Variants in LYRM4 observed in about 807,000 individuals in gnomAD.
LYRM4 encodes the protein LYR motif-containing protein 4.
A neutral mutation model predicts 11.7 loss-of-function variants in LYRM4; 9 were observed. The observed-to-expected ratio is 0.77, with a 90% confidence interval of 0.46 to 1.34. LYRM4 has a LOEUF of 1.34. Among genes scored for constraint, LYRM4 ranks in the 40% most tolerant of loss-of-function variants. The pLI is 0.00. For missense variants in LYRM4, 133 were observed against 112.5 expected (o/e 1.18, Z -0.82); for synonymous variants, 42 against 40.4 (o/e 1.04, Z -0.15).
intron 1 of LYRM4, among the ~76,000 whole-genome samples, chr6:5,242,766 CT>C (rs59883253): frequency 0.23 from 29,503 of 127,756 alleles, 3,177 homozygotes; most frequent in African/African-American, 0.41. Context: ...GATTTCTGCT[CT>C]TTTTTTTTTT....
chr6:5,256,978 A>G (rs1015474336), intron 1 of LYRM4, among the ~76,000 whole-genome samples: 10 of 152,160 alleles, frequency 6.6e-5, no homozygotes, highest in Admixed American at 5.9e-4. Context: ...ATGATTTATC[A>G]AATACAACAT....
chr6:5,062,070 C>T, the LYRM4 span, among the ~76,000 whole-genome samples: 39,374 of 145,206 alleles, frequency 0.27, 5,771 homozygotes, highest in Middle Eastern at 0.35. Flanking sequence ...TTCTTCTTCC[C>T]CTTCCTTCTT....
Position 5,256,490 on chromosome 6 carries a change from GGAAAAAAAAAAAAAAAAAAAAAA to G in LYRM4, c.86+4135_86+4157del, listed in dbSNP as rs1409500570. ...GGGCAACAAGGGCAAGATTTCAACT[GGAAAAAAAAAAAAAAAAAAAAAA>G]AAAAAAAAAAAAAAAAAGAATGTGG... On this transcript the variant is annotated intron_variant, in intron 1 of 2. Coordinates refer to ENST00000330636, the MANE Select transcript of LYRM4 (RefSeq NM_020408.6). 4.8e-4 allele frequency among the ~76,000 whole-genome samples: 18 copies of G among 37,522 alleles called. No individual in the cohort carries two copies. In the East Asian group the frequency reaches 0.016, roughly 33 times the overall value. 24.6% of individuals were successfully genotyped at this position (37,522 alleles called of 152,430 possible).
chr6:5,221,527 T>C (rs947713981), intron 1 of LYRM4, among the ~76,000 whole-genome samples: 4 of 151,902 alleles, frequency 2.6e-5, no homozygotes, highest in African/African-American at 9.7e-5. Flanking sequence ...ACCCTGTCTC[T>C]ACTAAAAATA....
chr6:5,051,493 G>A, the LYRM4 span, among the ~76,000 whole-genome samples: 1 of 152,160 alleles, frequency 6.6e-6, no homozygotes. Flanking sequence ...ACCTTGGAGA[G>A]GCCAGAAGGC....
At chr6:5,081,457 G>A in the LYRM4 span, among the ~76,000 whole-genome samples, 1 of 152,120 alleles carries the variant, frequency 6.6e-6, no homozygotes, top group South Asian at 2.1e-4. Context: ...TCCTTCCTTG[G>A]CTTCTGAGAA....
downstream of LYRM4, among the ~76,000 whole-genome samples, chr6:5,099,733 G>A (rs148383000): frequency 9.3e-4 from 141 of 152,178 alleles, no homozygotes; most frequent in African/African-American, 3.1e-3. The surrounding 1 kb of genome is among the most constrained non-coding windows in gnomAD (Gnocchi z 4.3). Context: ...GTGAGTCACC[G>A]CACCTGGCAC....
chr6:5,117,086 A>C (rs1286130096), intron 2 of LYRM4, among the ~76,000 whole-genome samples: 1 of 152,194 alleles, frequency 6.6e-6, no homozygotes, highest in East Asian at 1.9e-4. Context: ...GGAATCAAAC[A>C]AAACACTAGA....
chr6:5,081,929 G>C, the LYRM4 span, among the ~76,000 whole-genome samples: 2 of 152,142 alleles, frequency 1.3e-5, no homozygotes, highest in African/African-American at 4.8e-5. Flanking sequence ...ACTGAGCAAG[G>C]CTGGTGGGGC....
In LYRM4 at chr6:5,117,239, T is replaced by C. The variant is rs976657080; in HGVS notation, c.208-7748A>G. ...TAAGCGTTACTTACATGCACAGACT[T>C]GTGCTAGGCCTGTCTCTGTCAAGAT... On this transcript the variant is annotated intron_variant, in intron 2 of 2. Transcript: ENST00000330636. Among the ~76,000 whole-genome samples the C allele has an allele frequency of 2.0e-4, 30 of 152,172 alleles. 1 individual carries two copies. Among genetic ancestry groups the C allele is most frequent in the Non-Finnish European group, 1.5e-5 (1 of 68,022 alleles).
At chr6:5,124,352 G>A (rs1362538917) in intron 2 of LYRM4, among the ~76,000 whole-genome samples, 1 of 152,186 alleles carries the variant, frequency 6.6e-6, no homozygotes, top group African/African-American at 2.4e-5. Flanking sequence ...AAAGTGCTGG[G>A]ATTATAGGTG....
chr6:5,096,323 C>A, the LYRM4 span, among the ~76,000 whole-genome samples: 1 of 152,066 alleles, frequency 6.6e-6, no homozygotes. Context: ...GACCCTATAT[C>A]TACAAAAAAT....
intron 1 of LYRM4, among the ~76,000 whole-genome samples, chr6:5,227,359 G>C (rs923148737): frequency 5.3e-5 from 8 of 152,114 alleles, no homozygotes; most frequent in African/African-American, 1.9e-4. Context: ...GAAAGGAGAG[G>C]GAGCAAGAAG....
chr6:5,184,559 A>G (rs555032526), intron 2 of LYRM4, among the ~76,000 whole-genome samples: 1 of 152,342 alleles, frequency 6.6e-6, no homozygotes, highest in Admixed American at 6.5e-5. Flanking sequence ...CATTTTAATA[A>G]ATTAATTTAA....
At chr6:5,155,433 C>T (rs377729550) in intron 2 of LYRM4, among the ~76,000 whole-genome samples, 1 of 152,054 alleles carries the variant, frequency 6.6e-6, no homozygotes, top group Admixed American at 6.5e-5. Context: ...TTTCAGAGTC[C>T]GTCTTTACTA....
At chr6:5,126,286 A>G (rs1027445753) in intron 2 of LYRM4, among the ~76,000 whole-genome samples, 1 of 152,234 alleles carries the variant, frequency 6.6e-6, no homozygotes, top group African/African-American at 2.4e-5. Flanking sequence ...TGACCTGGCC[A>G]GAGCCAGGCC....
the LYRM4 span, among the ~76,000 whole-genome samples, chr6:5,081,134 CGGGGGG>C: frequency 2.1e-4 from 27 of 126,104 alleles, no homozygotes; most frequent in African/African-American, 9.0e-4. Flanking sequence ...CACACTTGGG[CGGGGGG>C]GGGGGGGGGG....
At chr6:5,095,115 C>G in the LYRM4 span, among the ~76,000 whole-genome samples, 1 of 152,234 alleles carries the variant, frequency 6.6e-6, no homozygotes, top group Admixed American at 6.5e-5. Flanking sequence ...TATTATATAT[C>G]TATTAAAGAT....
At chr6:5,132,302 T>C (rs1166450284) in intron 2 of LYRM4, among the ~76,000 whole-genome samples, 1 of 152,180 alleles carries the variant, frequency 6.6e-6, no homozygotes, top group East Asian at 1.9e-4. Flanking sequence ...GGAATGAGTA[T>C]ATGGAACCAG....
Sources: allele counts gnomAD v4.1 joint callset (sites outside exome capture counted in the v4.1 genomes callset), GRCh38; gene constraint gnomAD v4.1.1; non-coding constraint Gnocchi (gnomAD v3.1); transcripts MANE v1.5; gene names NCBI Gene and HGNC (gene_info 2026-07-23, HGNC 2026-07-21).